TOP1MT: variants seen among roughly 807,000 people sequenced by gnomAD.
TOP1MT encodes DNA topoisomerase I, mitochondrial.
A neutral mutation model predicts 73.9 loss-of-function variants in TOP1MT; 80 were observed. The observed-to-expected ratio is 1.08, with a 90% CI of 0.90 to 1.30. The LOEUF (loss-of-function observed/expected upper bound fraction) is 1.30, where lower values mean the gene tolerates loss of function less well. Among genes scored for constraint, TOP1MT ranks in the 50% most tolerant of loss-of-function variants. The pLI is 0.00. For missense variants in TOP1MT, 815 were observed against 808.0 expected, an observed-to-expected ratio of 1.01 and a Z score of -0.10; for synonymous variants, 338 against 326.4, an observed-to-expected ratio of 1.04 and a Z score of -0.38.
chr8:143,318,529 A>C (rs980193822), intron 8 of TOP1MT, among the ~76,000 whole-genome samples: 1 of 152,144 alleles, frequency 6.6e-6, no homozygotes, highest in Non-Finnish European at 1.5e-5. Context: ...TCCCTTCTGG[A>C]AAGACCAACC....
intron 8 of TOP1MT, among the ~76,000 whole-genome samples, chr8:143,319,620 C>G (rs976740320): frequency 1.3e-5 from 2 of 151,008 alleles, no homozygotes; most frequent in African/African-American, 4.9e-5. Context: ...TCAAGCCAGT[C>G]TGGAGACCAG....
chr8:143,350,180 T>C (rs1817297067), intron 1 of TOP1MT: 1 of 152,218 alleles, frequency 6.6e-6, no homozygotes, highest in African/African-American at 2.4e-5. Flanking sequence ...ACGTGCCCAC[T>C]TCGGCAGCAC....
upstream of TOP1MT, chr8:143,358,439 A>T (rs1817447920): frequency 6.6e-6 from 1 of 151,946 alleles, no homozygotes; most frequent in Non-Finnish European, 1.5e-5. Context: ...AGCTCCTTCC[A>T]CCCCATTCTC....
chr8:143,347,688 G>GCAGGCAGC (rs892109676), upstream of TOP1MT, among the ~76,000 whole-genome samples: 311 of 150,078 alleles, frequency 2.1e-3, 2 homozygotes, highest in African/African-American at 7.2e-3. Flanking sequence ...CAGCAGGCAG[G>GCAGGCAGC]CAGCCAGCCA....
chr8:143,332,611 G>T, intron 1 of TOP1MT: 2 of 1,265,524 alleles, frequency 1.6e-6, no homozygotes, highest in Non-Finnish European at 2.1e-6. Context: ...TCTGAGAGGG[G>T]AAAGCATGTG....
upstream of TOP1MT, among the ~76,000 whole-genome samples, chr8:143,349,185 G>A (rs1430520286): frequency 6.6e-6 from 1 of 152,126 alleles, no homozygotes; most frequent in African/African-American, 2.4e-5. Context: ...CAAACAGAGA[G>A]AGAACGGCTT....
chr8:143,320,313 G>A (rs1281116525), intron 8 of TOP1MT, among the ~76,000 whole-genome samples: 1 of 151,974 alleles, frequency 6.6e-6, no homozygotes, highest in Non-Finnish European at 1.5e-5. Context: ...TGTATTTTTA[G>A]TAGAGACGGG....
chr8:143,310,433 G>A (rs989942847), intron 12 of TOP1MT: 14 of 432,288 alleles, frequency 3.2e-5, no homozygotes, highest in African/African-American at 6.0e-5. Context: ...GGCCGTGGGC[G>A]GAGGGTGAGC....
At chr8:143,338,801 T>C (rs779117046), upstream of TOP1MT, among the ~76,000 whole-genome samples, 44 of 152,144 alleles carry the variant, frequency 2.9e-4, no homozygotes, top group Non-Finnish European at 5.0e-4. Context: ...AGAGACACAG[T>C]TGGGGAGTCT....
In TOP1MT at chr8:143,310,110, G is replaced by A. The variant is rs761519188; in HGVS notation, c.1661C>T (p.Thr554Met). The A allele has an allele frequency of 1.7e-5, 27 of 1,613,462 alleles. No homozygotes were observed. Among genetic ancestry groups the A allele is most frequent in the African/African-American group, 2.7e-5 (2 of 74,938 alleles). ...GGGGTCCAGGTAGTTGAGCTTGGAC[G>A]TGCCCAGGGCCACCTGCTTGTTCTC... Reference protein sequence around the residue: ...KEENKQVALGTSKLNYLDPRI... With the variant: ...KEENKQVALGMSKLNYLDPRI... Residue 554 changes from threonine (T) to methionine (M), a missense_variant, in exon 13 of 14, where the codon ACG (threonine) becomes ATG (methionine). Thr to Met is a moderately conservative substitution (Grantham distance 81, BLOSUM62 -1). Transcript: ENST00000329245.
chr8:143,324,088 C>A lies in TOP1MT; in HGVS notation c.871G>T (p.Asp291Tyr). 6.2e-7 allele frequency: 1 copy of A among 1,613,918 alleles called. No homozygotes were observed. The highest frequency in any genetic ancestry group is 8.5e-7 in the Non-Finnish European group (1 of 1,180,036). The change falls in exon 7 of 14, where the codon GAC (aspartate) becomes TAC (tyrosine). Residue 291 changes from aspartate to tyrosine, a missense_variant. Physicochemically the swap from Asp to Tyr is radical, Grantham distance 160. This residue lies in a region of TOP1MT where 751 missense variants were observed against 725.4 expected (regional missense o/e 1.04). Coordinates refer to ENST00000329245, the MANE Select transcript of TOP1MT (RefSeq NM_052963.3). ...ETARRLRGFV[D>Y]EIRSQYRADW... ...GCCCGGTACTGGGAGCGGATCTCGT[C>A]CACAAATCCCCGCAGGCGTCGAGCT...
intron 1 of TOP1MT, chr8:143,332,643 C>T (rs1379266000): frequency 4.4e-6 from 5 of 1,143,130 alleles, no homozygotes; most frequent in East Asian, 5.8e-5. Context: ...TCTGAAAGGG[C>T]CTTTCTGGCT....
rs1008378962 is a variant in TOP1MT, at chr8:143,324,366, C to T, written c.816+119G>A. 9.4e-6 allele frequency: 14 copies of T among 1,492,090 alleles called. No individual in the cohort carries two copies. The Admixed American group carries it at 1.2e-4, about 13-fold the overall frequency. The allele number at this position is 1,492,090 out of a possible 1,614,324, so 92.4% of individuals were successfully genotyped here. A position where few individuals can be genotyped will look rare whatever the true frequency, so the allele number is the denominator to read the frequency against. The stretch of plus-strand genomic sequence containing the variant: ...TGGCACAGCATGACCTCAGCACGGG[C>T]TGGCCGACTCCCAGCCCATCTCAGA... On this transcript the variant is annotated intron_variant, in intron 6 of 13. Coordinates refer to ENST00000329245, the MANE Select transcript of TOP1MT (RefSeq NM_052963.3).
chr8:143,329,299 G>A (rs1053683021), intron 3 of TOP1MT, 51 bp downstream of exon 3: 7 of 1,531,178 alleles, frequency 4.6e-6, no homozygotes, highest in African/African-American at 4.3e-5. Context: ...AACCGCAGAC[G>A]CCTAGCCAGC....
upstream of TOP1MT, among the ~76,000 whole-genome samples, chr8:143,359,655 T>G (rs1586790816): frequency 7.4e-6 from 1 of 135,298 alleles, no homozygotes; most frequent in African/African-American, 2.8e-5. Flanking sequence ...GAGGAAACAC[T>G]GAGGGGTGAA....
chr8:143,334,973 C>T (rs1230091690), upstream of TOP1MT: 13 of 1,146,886 alleles, frequency 1.1e-5, no homozygotes, highest in Non-Finnish European at 1.3e-5. Flanking sequence ...CCCAGCGGCG[C>T]TCATCCCAAG....
intron 1 of TOP1MT, among the ~76,000 whole-genome samples, chr8:143,350,607 C>T (rs1396638452): frequency 2.0e-5 from 3 of 152,248 alleles, no homozygotes; most frequent in East Asian, 1.9e-4. Context: ...GCTGGGATTA[C>T]AGGCGTGAGC....
At chr8:143,343,299 T>C (rs1230559822) in intron 1 of TOP1MT, 1 of 456,040 alleles carries the variant, frequency 2.2e-6, no homozygotes. Flanking sequence ...AGAATTCAAA[T>C]GTATACATAA....
At chr8:143,325,616 C>T in intron 4 of TOP1MT, 83 bp from the exon 5 acceptor site, 1 of 1,332,378 alleles carries the variant, frequency 7.5e-7, no homozygotes, top group Non-Finnish European at 1.0e-6. Flanking sequence ...CCCGGGACCA[C>T]CCTGCTCTGT....
Sources: gnomAD v4.1 joint callset for allele counts (sites outside exome capture counted in the v4.1 genomes callset) on GRCh38, gnomAD v4.1.1 for gene constraint, gnomAD v4.1.1 regional missense constraint, MANE v1.5 for transcripts, NCBI Gene and HGNC (gene_info 2026-07-23, HGNC 2026-07-21) for gene names.